The following ESYT2 variants were observed in gnomAD, a reference collection of about 807,000 sequenced individuals.
ESYT2 encodes the protein extended synaptotagmin 2, also known as extended synaptotagmin-2.
In ESYT2, 54 loss-of-function variants were observed where a neutral mutation model predicts 107.2. That is an observed-to-expected ratio of 0.50 (90% CI 0.40 to 0.63). The LOEUF (loss-of-function observed/expected upper bound fraction) is 0.63. Among genes scored for constraint, ESYT2 ranks in the 30% least tolerant of loss-of-function variants. The pLI is 0.00. For synonymous variants in ESYT2, 491 were observed against 434.1 expected, an observed-to-expected ratio of 1.13 and a Z score of -1.63; for missense variants, 1,020 against 1,094.5, an observed-to-expected ratio of 0.93 and a Z score of 0.96.
At chr7:158,746,229 G>GACACACACAC (rs55828446) in intron 16 of ESYT2, among the ~76,000 whole-genome samples, 13,233 of 147,826 alleles carry the variant, frequency 0.09, 910 homozygotes, top group East Asian at 0.4. Context: ...TACATAAATA[G>GACACACACAC]ACACACACAC....
intron 18 of ESYT2, among the ~76,000 whole-genome samples, chr7:158,739,794 C>T (rs905603138): frequency 1.5e-5 from 2 of 129,320 alleles, no homozygotes; most frequent in African/African-American, 3.9e-5. Context: ...TTATTTATAC[C>T]CCCCCCTTCG....
At chr7:158,805,584 G>T (rs1421925182) in intron 1 of ESYT2, among the ~76,000 whole-genome samples, 1 of 152,064 alleles carries the variant, frequency 6.6e-6, no homozygotes, top group Non-Finnish European at 1.5e-5. Flanking sequence ...TAAAGCAATT[G>T]ATCTTTTCCA....
intron 7 of ESYT2, among the ~76,000 whole-genome samples, chr7:158,773,050 G>A (rs10249847): frequency 2.0e-4 from 30 of 151,978 alleles, no homozygotes; most frequent in Admixed American, 1.8e-3. Context: ...TCTACTTTTC[G>A]AACATGCCAA....
chr7:158,776,215 G>A (rs1047322405), intron 6 of ESYT2, among the ~76,000 whole-genome samples: 1 of 151,590 alleles, frequency 6.6e-6, no homozygotes, highest in African/African-American at 2.4e-5. Context: ...TGATTCTTAA[G>A]GGCCCAAGGG....
intron 1 of ESYT2, among the ~76,000 whole-genome samples, chr7:158,803,502 G>C (rs1454588133): frequency 1.3e-5 from 2 of 152,222 alleles, no homozygotes; most frequent in Non-Finnish European, 1.5e-5. Context: ...TACTTAAACA[G>C]ATGTGGCCTG....
At chr7:158,755,358 T>C (rs1047599313) in intron 13 of ESYT2, among the ~76,000 whole-genome samples, 2 of 152,210 alleles carry the variant, frequency 1.3e-5, no homozygotes, top group Non-Finnish European at 2.9e-5. Flanking sequence ...AGGTGATGCA[T>C]ATGTTCTAAT....
chr7:158,783,065 C>T (rs1029138304), intron 6 of ESYT2, among the ~76,000 whole-genome samples: 7 of 152,144 alleles, frequency 4.6e-5, no homozygotes, highest in African/African-American at 1.7e-4. Flanking sequence ...CTGGGAGCCT[C>T]GCCTCTGGAG....
intron 19 of ESYT2, among the ~76,000 whole-genome samples, chr7:158,738,688 G>C (rs562958181): frequency 6.6e-6 from 1 of 152,214 alleles, no homozygotes; most frequent in East Asian, 1.9e-4. Flanking sequence ...CCAGACCTCA[G>C]GTGATCTGCC....
chr7:158,732,130 T>C lies in ESYT2; in HGVS notation c.*2077A>G, dbSNP rs1452502471. The C allele has an allele frequency of 2.6e-5, 4 of 152,218 alleles. No individual in the cohort carries two copies. Among genetic ancestry groups the C allele is most frequent in the African/African-American group, 7.2e-5 (3 of 41,454 alleles). The allele number at this position is 152,218 out of a possible 1,614,324, so 9.4% of individuals were successfully genotyped here. A position where few individuals can be genotyped will look rare whatever the true frequency, so the allele number is the denominator to read the frequency against. On this transcript the variant is annotated 3_prime_UTR_variant, in exon 23 of 23. Coordinates refer to ENST00000275418, the MANE Select transcript of ESYT2 (RefSeq NM_001367773.1). ...AGCATTCCATTAAGCAAAATACACA[T>C]GGAGCGGATTACACACTGGACTGCA...
In ESYT2 at chr7:158,731,074, A is replaced by G. The variant is rs1467738462; in HGVS notation, c.*3133T>C. ...TAGTTGAACAGAAAGGAGGTTCTCT[A>G]CTTTTTAACCCCCATCCCCCACCGC... On this transcript the variant is annotated 3_prime_UTR_variant, in exon 23 of 23. Transcript: ENST00000275418. The G allele has an allele frequency of 6.6e-6, 1 of 152,162 alleles. No homozygotes were observed. Among genetic ancestry groups the G allele is most frequent in the African/African-American group, 2.4e-5 (1 of 41,438 alleles). 9.4% of individuals were successfully genotyped at this position (152,162 alleles called of 1,614,324 possible).
At chr7:158,794,363 G>A (rs551877149) in intron 3 of ESYT2, among the ~76,000 whole-genome samples, 6 of 152,262 alleles carry the variant, frequency 3.9e-5, no homozygotes, top group South Asian at 2.1e-4. Flanking sequence ...AGATGGTAGC[G>A]CACACCTGTG....
chr7:158,740,709 G>C (rs1031941415), intron 18 of ESYT2, among the ~76,000 whole-genome samples: 1 of 152,190 alleles, frequency 6.6e-6, no homozygotes, highest in Non-Finnish European at 1.5e-5. Context: ...TGGAGCAAGA[G>C]AGAAGGAATG....
chr7:158,781,681 C>A lies in ESYT2; in HGVS notation c.747+6323G>T, dbSNP rs118050270. On this transcript the variant is annotated intron_variant, in intron 6 of 22. Coordinates refer to ENST00000275418, the MANE Select transcript of ESYT2 (RefSeq NM_001367773.1). ...AGTGAGAACAAGTGTGAGTGAACGA[C>A]TGAGAACAAAGTGTCAGAGGTGGGA... Among the ~76,000 whole-genome samples the A allele has an allele frequency of 4.0e-5, 6 of 148,626 alleles. No individual in the cohort carries two copies. In the South Asian group the frequency reaches 1.1e-3, roughly 27 times the overall value.
At chr7:158,785,693 G>A (rs1348012706) in intron 6 of ESYT2, among the ~76,000 whole-genome samples, 1 of 152,130 alleles carries the variant, frequency 6.6e-6, no homozygotes, top group Non-Finnish European at 1.5e-5. Context: ...TACAGTAAGA[G>A]AAAGAACTAG....
chr7:158,798,520 C>A (rs920262777), intron 2 of ESYT2, among the ~76,000 whole-genome samples: 6 of 151,616 alleles, frequency 4.0e-5, no homozygotes, highest in Non-Finnish European at 5.9e-5. Flanking sequence ...GTGGTGCGTG[C>A]CTGTAATCCC....
chr7:158,771,968 A>G (rs1236197439), intron 7 of ESYT2, among the ~76,000 whole-genome samples: 1 of 151,952 alleles, frequency 6.6e-6, no homozygotes, highest in Admixed American at 6.6e-5. Context: ...AAAAAATACA[A>G]AAATTAGCCA....
chr7:158,741,184 C>G lies in ESYT2; in HGVS notation c.2168+339G>C, dbSNP rs868474272. 3.9e-5 allele frequency among the ~76,000 whole-genome samples: 6 copies of G among 152,294 alleles called. No homozygotes were observed. The Middle Eastern group carries it at 0.01, about 261-fold the overall frequency. ...CTTCTCCAGTGGCCGCAGCGAGGCC[C>G]GCGGGCCAGCTCTGCGTCTGTCTTC... On this transcript the variant is annotated intron_variant, in intron 18 of 22. Transcript: ENST00000275418.
rs557321644 is a variant in ESYT2, at chr7:158,779,497, T to A, written c.748-6101A>T. ...TTAGTCCTAGAACTGAGAAAATCAT[T>A]TATTCTAGTTTCACAGTTAAGTAAA... On this transcript the variant is annotated intron_variant, in intron 6 of 22. Coordinates refer to ENST00000275418, the MANE Select transcript of ESYT2 (RefSeq NM_001367773.1). Among the ~76,000 whole-genome samples, 11 of 152,298 alleles carry A rather than the reference T, an allele frequency of 7.2e-5. No individual in the cohort carries two copies. In the South Asian group the frequency reaches 2.3e-3, roughly 32 times the overall value.
At chr7:158,798,122 C>T in intron 2 of ESYT2, 46 bp from the exon 3 acceptor site, 1 of 1,607,312 alleles carries the variant, frequency 6.2e-7, no homozygotes, top group Non-Finnish European at 8.5e-7. Flanking sequence ...CTATATAATG[C>T]ATGACACACA....
Sources: gnomAD v4.1 joint callset for allele counts (sites outside exome capture counted in the v4.1 genomes callset) on GRCh38, gnomAD v4.1.1 for gene constraint, MANE v1.5 for transcripts, NCBI Gene and HGNC (gene_info 2026-07-23, HGNC 2026-07-21) for gene names.